PRDM15: variants seen among roughly 807,000 people sequenced by gnomAD.
PRDM15 encodes PR/SET domain 15.
PRDM15 carries 64 observed loss-of-function variants against 128.6 expected under a neutral mutation model. The ratio of observed to expected loss-of-function variants is 0.50; its 90% CI spans 0.41 to 0.61. The LOEUF is 0.61. PRDM15 is among the 20% of genes least tolerant of loss of function. The pLI is 0.00. For synonymous variants in PRDM15, 615 were observed against 621.8 expected, an observed-to-expected ratio of 0.99 and a Z score of 0.16; for missense variants, 1,242 against 1,569.1, an observed-to-expected ratio of 0.79 and a Z score of 3.52.
chr21:41,814,248 A>G (rs1316857640), intron 19 of PRDM15: 1 of 61,204 alleles, frequency 1.6e-5, no homozygotes, highest in African/African-American at 6.5e-5. Context: ...AGGGTGCCCT[A>G]GTGTTTTATG....
At chr21:41,843,708 C>T (rs1022107225) in intron 6 of PRDM15, among the ~76,000 whole-genome samples, 11 of 152,112 alleles carry the variant, frequency 7.2e-5, no homozygotes, top group African/African-American at 2.7e-4. Flanking sequence ...CTGAGGCCAC[C>T]GTCAGTATGG....
chr21:41,833,481 G>A (rs2146541346), intron 11 of PRDM15, among the ~76,000 whole-genome samples: 1 of 152,234 alleles, frequency 6.6e-6, no homozygotes, highest in Middle Eastern at 3.4e-3. Flanking sequence ...CCACATTCTT[G>A]GTTTAATTCT....
In PRDM15 at chr21:41,859,328, A is replaced by T; in HGVS notation, c.131+264T>A. 1 of 1,116,720 alleles carries T rather than the reference A, an allele frequency of 9.0e-7. No individual in the cohort carries two copies. The highest frequency in any genetic ancestry group is 1.3e-6 in the Non-Finnish European group (1 of 761,694). The allele number at this position is 1,116,720 out of a possible 1,614,324, so 69.2% of individuals were successfully genotyped here. A position where few individuals can be genotyped will look rare whatever the true frequency, so the allele number is the denominator to read the frequency against. On this transcript the variant is annotated intron_variant, in intron 3 of 23. Coordinates refer to ENST00000398548, the MANE Select transcript of PRDM15 (RefSeq NM_001040424.3). The surrounding 1 kb of genome is among the most constrained non-coding windows in gnomAD (Gnocchi z 5.3). The stretch of plus-strand genomic sequence containing the variant: ...AAGTCCACTCTTCTGCAGCCTCCAC[A>T]CACTGTGTCGGGAACAGCTGGGCTC...
chr21:41,809,382 AC>A, intron 21 of PRDM15, among the ~76,000 whole-genome samples: 1 of 151,912 alleles, frequency 6.6e-6, no homozygotes, highest in Admixed American at 6.6e-5. Flanking sequence ...ACAGGCGCCC[AC>A]CACCATGCCC....
At chr21:41,804,459 AAGCCCCTC>A in intron 22 of PRDM15, 67 bp downstream of exon 22, 1 of 1,207,384 alleles carries the variant, frequency 8.3e-7, no homozygotes, top group South Asian at 1.3e-5. Context: ...CGGCCTGTCC[AAGCCCCTC>A]TGGTCCCTTC....
chr21:41,805,768 T>G (rs1156713036), intron 21 of PRDM15, among the ~76,000 whole-genome samples: 1 of 144,110 alleles, frequency 6.9e-6, no homozygotes, highest in Non-Finnish European at 1.5e-5. Context: ...ATCAGTATCA[T>G]CACCATCAAC....
At position 41,818,943 on chromosome 21, in the gene PRDM15, C is replaced by T. The variant is rs1052478321; in HGVS notation, c.2260+639G>A. On this transcript the variant is annotated intron_variant, in intron 18 of 23. Coordinates refer to ENST00000398548, the MANE Select transcript of PRDM15 (RefSeq NM_001040424.3). ...GCCGTGGTGAGTTTCTCTCTCACCA[C>T]GCAGCCGATTCTAGTCTGCGTAGTG... Among the ~76,000 whole-genome samples, 5 of 152,282 alleles carry T rather than the reference C, an allele frequency of 3.3e-5. No homozygotes were observed. The East Asian group carries it at 5.8e-4, about 18-fold the overall frequency.
At chr21:41,830,049 G>A (rs2062628566) in intron 11 of PRDM15, among the ~76,000 whole-genome samples, 2 of 142,534 alleles carry the variant, frequency 1.4e-5, no homozygotes, top group Non-Finnish European at 3.0e-5. Flanking sequence ...ATCATACAAC[G>A]TACACCCACA....
intron 14 of PRDM15, among the ~76,000 whole-genome samples, chr21:41,822,436 C>T (rs1438032722): frequency 1.3e-5 from 2 of 152,228 alleles, no homozygotes; most frequent in South Asian, 2.1e-4. Context: ...GCTTCTGCTC[C>T]GTTCCTCTCT....
chr21:41,830,308 AAC>A (rs1329668086), intron 11 of PRDM15, among the ~76,000 whole-genome samples: 2 of 151,134 alleles, frequency 1.3e-5, no homozygotes, highest in Middle Eastern at 3.4e-3. Context: ...TGCCCCACAC[AAC>A]ACATACTCAA....
chr21:41,871,668 G>A, intron 1 of PRDM15: 1 of 1,567,814 alleles, frequency 6.4e-7, no homozygotes, highest in Non-Finnish European at 8.7e-7. Flanking sequence ...GAAGCCCACT[G>A]TCCCTCTCCA....
At chr21:41,857,392 G>C in intron 3 of PRDM15, 63 bp from the exon 4 acceptor site, 2 of 1,575,798 alleles carry the variant, frequency 1.3e-6, no homozygotes, top group Non-Finnish European at 1.7e-6. Context: ...GACTCGTTAA[G>C]ATAACCTAAA....
At chr21:41,835,969 G>GCTCTCCTCCCTCC (rs2062870660) in intron 10 of PRDM15, 144 bp downstream of exon 10, 4 of 90,028 alleles carry the variant, frequency 4.4e-5, no homozygotes, top group Non-Finnish European at 8.9e-5. Flanking sequence ...CACAGCCCCC[G>GCTCTCCTCCCTCC]CCCACTCTCC....
At chr21:41,847,544 C>A (rs566853960) in intron 5 of PRDM15, among the ~76,000 whole-genome samples, 1 of 152,242 alleles carries the variant, frequency 6.6e-6, no homozygotes, top group Admixed American at 6.5e-5. Flanking sequence ...CCTCAAGAAC[C>A]AAGTGTAATT....
At position 41,836,481 on chromosome 21, in the gene PRDM15, G is replaced by A. The variant is rs751248967; in HGVS notation, c.1170C>T (p.His390=). Residue 390 remains histidine, a synonymous_variant, in exon 9 of 24, where the codon CAC becomes CAT. Transcript: ENST00000398548. ...IFQNSSNLSR[H]VRSHGDKLFK... ...TCGCGGACTCACCATGCGAGCGCAC[G>A]TGCCTGCTCAGGTTGCTGCTGTTCT... is the stretch of plus-strand genomic sequence containing the variant. 37 of 1,610,844 alleles carry A rather than the reference G, an allele frequency of 2.3e-5. No homozygotes were observed. Among genetic ancestry groups the A allele is most frequent in the Middle Eastern group, 2.2e-4 (1 of 4,580 alleles).
intron 23 of PRDM15, 22 bp downstream of exon 23, chr21:41,802,690 G>C (rs1206175988): frequency 6.2e-7 from 1 of 1,606,934 alleles, no homozygotes; most frequent in African/African-American, 1.3e-5. Flanking sequence ...CACCTAATCA[G>C]AACATAAAGC....
At chr21:41,817,591 G>A (rs954185640) in intron 18 of PRDM15, among the ~76,000 whole-genome samples, 1 of 152,110 alleles carries the variant, frequency 6.6e-6, no homozygotes, top group South Asian at 2.1e-4. Context: ...AAAACAACCA[G>A]AAACTTTATA....
intron 5 of PRDM15, among the ~76,000 whole-genome samples, chr21:41,852,947 G>A (rs1488352887): frequency 1.3e-5 from 2 of 152,246 alleles, no homozygotes; most frequent in Non-Finnish European, 2.9e-5. Flanking sequence ...AGACATGGGA[G>A]AGAAGACAGG....
rs2062885028 is a variant in PRDM15 at position 41,836,220 on chromosome 21, C to T, written c.1184-13G>A. ...AACAGCTTGTCACCTGAGGAACCAA[C>T]CAACAGAGAGCTCATTCACTACTTA... On this transcript the variant is annotated splice_polypyrimidine_tract_variant and intron_variant, in intron 9 of 23. Transcript: ENST00000398548. 2.5e-6 allele frequency: 4 copies of T among 1,610,990 alleles called. No individual in the cohort carries two copies. Among genetic ancestry groups the T allele is most frequent in the Non-Finnish European group, 1.7e-6 (2 of 1,177,326 alleles).
Sources: gnomAD v4.1 joint callset for allele counts (sites outside exome capture counted in the v4.1 genomes callset) on GRCh38, gnomAD v4.1.1 for gene constraint, Gnocchi (gnomAD v3.1) non-coding constraint, MANE v1.5 for transcripts, NCBI Gene and HGNC (gene_info 2026-07-23, HGNC 2026-07-21) for gene names.